GLYR1: variants seen among roughly 807,000 people sequenced by gnomAD.
GLYR1 encodes glyoxylate reductase 1 homolog.
In GLYR1, 21 loss-of-function variants were observed where a neutral mutation model predicts 72.7. The ratio of observed to expected loss-of-function variants is 0.29; its 90% confidence interval spans 0.20 to 0.42. The LOEUF (loss-of-function observed/expected upper bound fraction) is 0.42. GLYR1 is among the 10% of genes least tolerant of loss of function. The pLI, the probability that GLYR1 is intolerant of heterozygous loss-of-function variation, is 1.00. For missense variants in GLYR1, 594 were observed against 712.1 expected (o/e 0.83, Z 1.89); for synonymous variants, 392 against 270.2 (o/e 1.45, Z -4.42).
chr16:4,835,118 G>C (rs904569560), intron 3 of GLYR1, among the ~76,000 whole-genome samples: 1 of 152,094 alleles, frequency 6.6e-6, no homozygotes, highest in Non-Finnish European at 1.5e-5. Flanking sequence ...GGACCAAAAA[G>C]GTGATTTTTA....
At chr16:4,817,407 C>A (rs559483239) in intron 10 of GLYR1, among the ~76,000 whole-genome samples, 191 bp downstream of exon 10, 2 of 152,166 alleles carry the variant, frequency 1.3e-5, no homozygotes, top group African/African-American at 4.8e-5. Flanking sequence ...GAGTGAGCCA[C>A]CGCGCCAGGC....
In GLYR1 at chr16:4,833,457, T is replaced by C. The variant is rs1242942070; in HGVS notation, c.156-545A>G. The stretch of plus-strand genomic sequence containing the variant: ...CAGGGATGTTACAGAGCTGAAGAAA[T>C]GCAACATCTTCTAAAATTTGTGGTT... On this transcript the variant is annotated intron_variant, in intron 3 of 15. Coordinates refer to ENST00000321919, the MANE Select transcript of GLYR1 (RefSeq NM_032569.4). Among the ~76,000 whole-genome samples, 8 of 152,256 alleles carry C rather than the reference T, an allele frequency of 5.3e-5. No homozygotes were observed. The East Asian group carries it at 1.3e-3, about 26-fold the overall frequency.
chr16:4,825,730 C>T (rs559959809), intron 5 of GLYR1, among the ~76,000 whole-genome samples: 3 of 152,112 alleles, frequency 2.0e-5, no homozygotes, highest in South Asian at 2.1e-4. Flanking sequence ...TGGCTCACTG[C>T]AACCTCTGTC....
chr16:4,825,770 G>C (rs1449781236), intron 5 of GLYR1, among the ~76,000 whole-genome samples: 3 of 151,954 alleles, frequency 2.0e-5, no homozygotes, highest in Non-Finnish European at 4.4e-5. Flanking sequence ...TCCTGCCTCA[G>C]CCTCCTGAGT....
At position 4,832,088 on chromosome 16, in the gene GLYR1, C is replaced by A; in HGVS notation, c.428G>T (p.Gly143Val). Residue 143 changes from glycine to valine, a missense_variant, in exon 5 of 16, where the codon GGA becomes GTA. Physicochemically the swap from Gly to Val is moderately radical, Grantham distance 109 (BLOSUM62 -3). Coordinates refer to ENST00000321919, the MANE Select transcript of GLYR1 (RefSeq NM_032569.4). The stretch of plus-strand genomic sequence containing the variant: ...AGAGCCTGAAGACACCCTCTTCTTT[C>A]CTTCTCCCATGTTCTTCTTCACCTT... Reference protein sequence around the residue: ...EGKVKKNMGEGKKRVSSGSSE... With the variant: ...EGKVKKNMGEVKKRVSSGSSE... The A allele has an allele frequency of 6.2e-7, 1 of 1,614,186 alleles. No individual in the cohort carries two copies. Among genetic ancestry groups the A allele is most frequent in the South Asian group, 1.1e-5 (1 of 91,088 alleles).
chr16:4,845,498 C>T (rs920769394), intron 2 of GLYR1, among the ~76,000 whole-genome samples: 1 of 152,086 alleles, frequency 6.6e-6, no homozygotes, highest in Admixed American at 6.6e-5. Flanking sequence ...CCCCACCACC[C>T]CACCCCTGCT....
At position 4,820,076 on chromosome 16, in the gene GLYR1, C is replaced by T. The variant is rs537501408; in HGVS notation, c.806+1304G>A. On this transcript the variant is annotated intron_variant, in intron 9 of 15. Transcript: ENST00000321919. Reference sequence around the variant, plus strand: ...GCAGTGGTGCGATCTTGGCTCACTGCAACCTCCACCTCCCGGGTTCAAGCG... The same window carrying T: ...GCAGTGGTGCGATCTTGGCTCACTGTAACCTCCACCTCCCGGGTTCAAGCG... Among the ~76,000 whole-genome samples the T allele has an allele frequency of 3.7e-4, 56 of 152,252 alleles. No individual in the cohort carries two copies. The South Asian group carries it at 5.0e-3, about 14-fold the overall frequency.
Position 4,847,285 on chromosome 16 carries a change from C to T in GLYR1, c.-20G>A. The T allele has an allele frequency of 3.7e-6, 6 of 1,609,858 alleles. No homozygotes were observed. Among genetic ancestry groups the T allele is most frequent in the Non-Finnish European group, 5.1e-6 (6 of 1,178,894 alleles). On this transcript the variant is annotated 5_prime_UTR_variant, in exon 1 of 16. Transcript: ENST00000321919. ...CGCCATCTTACCACCCAACCACCGC[C>T]GACGCACGGGCCGCCGGGAACAGCA... is the stretch of plus-strand genomic sequence containing the variant.
At chr16:4,815,591 T>G (rs1440910554) in intron 10 of GLYR1, among the ~76,000 whole-genome samples, 1 of 152,200 alleles carries the variant, frequency 6.6e-6, no homozygotes, top group African/African-American at 2.4e-5. Flanking sequence ...AAACAGGTTC[T>G]AAAAGTTTTA....
At chr16:4,817,465 T>C (rs2083720071) in intron 10 of GLYR1, 133 bp downstream of exon 10, 4 of 627,310 alleles carry the variant, frequency 6.4e-6, no homozygotes, top group Non-Finnish European at 1.1e-5. Context: ...CATCTACATC[T>C]CTACCTGCCT....
chr16:4,824,922 A>G (rs2084282959), intron 5 of GLYR1, among the ~76,000 whole-genome samples: 1 of 152,130 alleles, frequency 6.6e-6, no homozygotes, highest in African/African-American at 2.4e-5. Flanking sequence ...CGCCTGCTCC[A>G]TTCTACTAGG....
intron 3 of GLYR1, among the ~76,000 whole-genome samples, chr16:4,835,341 C>T (rs1283054505): frequency 6.6e-6 from 1 of 152,216 alleles, no homozygotes; most frequent in Non-Finnish European, 1.5e-5. Flanking sequence ...CTAGAAGGAA[C>T]TGTACAGTCA....
chr16:4,820,536 CTTTG>C (rs2083946172), intron 9 of GLYR1, among the ~76,000 whole-genome samples: 1 of 152,148 alleles, frequency 6.6e-6, no homozygotes, highest in Non-Finnish European at 1.5e-5. Flanking sequence ...TCCTCCTCCC[CTTTG>C]TTTGCACCTA....
At chr16:4,838,704 A>G (rs1473955815) in intron 3 of GLYR1, among the ~76,000 whole-genome samples, 1 of 151,662 alleles carries the variant, frequency 6.6e-6, no homozygotes, top group Non-Finnish European at 1.5e-5. Context: ...CTCCTGCCTC[A>G]GCCACCCGAG....
chr16:4,814,926 A>G (rs919937942), intron 10 of GLYR1, among the ~76,000 whole-genome samples: 5 of 152,120 alleles, frequency 3.3e-5, no homozygotes, highest in Admixed American at 2.0e-4. Flanking sequence ...TATGAACAGT[A>G]GCACCTCTCC....
At chr16:4,809,188 GTTTTTTT>G (rs1263215689) in intron 15 of GLYR1, among the ~76,000 whole-genome samples, 1 of 95,246 alleles carries the variant, frequency 1.0e-5, no homozygotes, top group Non-Finnish European at 2.0e-5. Context: ...AGCAGCTTTC[GTTTTTTT>G]TTTTTTTTTT....
intron 3 of GLYR1, chr16:4,840,051 A>G (rs2085433132): frequency 6.6e-6 from 1 of 152,232 alleles, no homozygotes; most frequent in Admixed American, 6.5e-5. Context: ...GGTGCAGTCC[A>G]GCTTCTACAG....
rs368680757 is a variant in GLYR1 at position 4,811,210 on chromosome 16, G to T, written c.1547C>A (p.Ala516Glu). The T allele has an allele frequency of 1.9e-6, 3 of 1,613,838 alleles. No homozygotes were observed. The highest frequency in any genetic ancestry group is 2.5e-6 in the Non-Finnish European group (3 of 1,179,972). ...TGCCATGGGAGTCGGATGGTTGACCGCATCACCCAGCGCAATGGCTAAGCG... is the reference window on the plus strand; with the variant it reads ...TGCCATGGGAGTCGGATGGTTGACCTCATCACCCAGCGCAATGGCTAAGCG... ...DLRLAIALGD[A>E]VNHPTPMAAA... Residue 516 changes from alanine to glutamate, a missense_variant, in exon 15 of 16, where the codon GCG (alanine) becomes GAG (glutamate). This residue lies in a region of GLYR1 where 266 missense variants were observed against 358.4 expected (regional missense o/e 0.74). Transcript: ENST00000321919.
At chr16:4,833,218 C>G (rs2084907787) in intron 3 of GLYR1, 1 of 229,994 alleles carries the variant, frequency 4.3e-6, no homozygotes, top group Admixed American at 5.7e-5. Flanking sequence ...CCTCCAATGC[C>G]CAACCACATA....
Sources: gnomAD v4.1 joint callset for allele counts (sites outside exome capture counted in the v4.1 genomes callset) on GRCh38, gnomAD v4.1.1 for gene constraint, gnomAD v4.1.1 regional missense constraint, MANE v1.5 for transcripts, NCBI Gene and HGNC (gene_info 2026-07-23, HGNC 2026-07-21) for gene names.